The following ADAMTS17 variants were observed in gnomAD, a reference collection of about 807,000 sequenced individuals.
ADAMTS17 encodes A disintegrin and metalloproteinase with thrombospondin motifs 17.
A neutral mutation model predicts 141.5 loss-of-function variants in ADAMTS17; 113 were observed. The observed-to-expected ratio is 0.80, with a 90% confidence interval of 0.69 to 0.93. The LOEUF (loss-of-function observed/expected upper bound fraction) is 0.93. Among genes scored for constraint, ADAMTS17 ranks in the 40% least tolerant of loss-of-function variants. ADAMTS17 has a pLI of 0.00. For synonymous variants in ADAMTS17, 768 were observed against 630.6 expected (o/e 1.22, Z -3.27); for missense variants, 1,659 against 1,517.9 (o/e 1.09, Z -1.54).
chr15:99,981,223 G>A (rs2060476910), intron 20 of ADAMTS17, among the ~76,000 whole-genome samples: 1 of 152,190 alleles, frequency 6.6e-6, no homozygotes, highest in African/African-American at 2.4e-5. Context: ...ATCTTTCCTA[G>A]CATGGGTCAC....
At chr15:100,227,204 G>T (rs1247587382) in intron 7 of ADAMTS17, among the ~76,000 whole-genome samples, 3 of 152,034 alleles carry the variant, frequency 2.0e-5, no homozygotes, top group African/African-American at 7.2e-5. Context: ...ACTTCCACCT[G>T]GATTTCTCAC....
rs114267359 is a variant in ADAMTS17 at position 100,048,033 on chromosome 15, A to G, written c.2591+824T>C. ...CACATTTTAAGAGTTTGACAAAACAAAGGGGGTCGGTGCAAAAGCCAAATA... is the reference window on the plus strand; with the variant it reads ...CACATTTTAAGAGTTTGACAAAACAGAGGGGGTCGGTGCAAAAGCCAAATA... On this transcript the variant is annotated intron_variant, in intron 18 of 21. Coordinates refer to ENST00000268070, the MANE Select transcript of ADAMTS17 (RefSeq NM_139057.4). Among the ~76,000 whole-genome samples the G allele has an allele frequency of 1.3e-3, 200 of 152,278 alleles. 1 individual carries two copies. The highest frequency in any genetic ancestry group is 4.7e-3 in the African/African-American group (194 of 41,542).
chr15:100,328,058 G>C (rs1405601804), intron 3 of ADAMTS17, among the ~76,000 whole-genome samples: 2 of 152,144 alleles, frequency 1.3e-5, no homozygotes, highest in Non-Finnish European at 2.9e-5. Flanking sequence ...GCTACTCTCA[G>C]ACCATGTCCA....
chr15:100,243,542 T>A lies in ADAMTS17; in HGVS notation c.1075+10594A>T, dbSNP rs879352988. ...CCATGGCTCACGCCAGTAATCCTAA[T>A]ACTTTGGGAGGCCAAGGAGGGTGGA... On this transcript the variant is annotated intron_variant, in intron 7 of 21. Transcript: ENST00000268070. 3.5e-4 allele frequency among the ~76,000 whole-genome samples: 53 copies of A among 152,224 alleles called. 1 individual carries two copies. The highest frequency in any genetic ancestry group is 7.8e-4 in the Admixed American group (12 of 15,294).
intron 2 of ADAMTS17, 26 bp from the exon 3 acceptor site, chr15:100,331,080 G>T (rs757719699): frequency 1.2e-6 from 2 of 1,613,880 alleles, no homozygotes; most frequent in Admixed American, 1.7e-5. Flanking sequence ...AAGGAAACGC[G>T]ATGTCGGTCA....
At chr15:100,018,686 T>C (rs2061341514) in intron 18 of ADAMTS17, among the ~76,000 whole-genome samples, 1 of 152,240 alleles carries the variant, frequency 6.6e-6, no homozygotes, top group Non-Finnish European at 1.5e-5. Context: ...TCTTCTCTTT[T>C]ACATTATCCA....
intron 12 of ADAMTS17, 78 bp from the exon 13 acceptor site, chr15:100,117,091 A>G (rs534246588): frequency 6.6e-7 from 1 of 1,510,284 alleles, no homozygotes; most frequent in African/African-American, 1.4e-5. Context: ...CTCTCTTGCC[A>G]GGGGGAGGAG....
intron 10 of ADAMTS17, among the ~76,000 whole-genome samples, chr15:100,150,585 T>C (rs2141342844): frequency 6.6e-6 from 1 of 152,280 alleles, no homozygotes; most frequent in East Asian, 1.9e-4. Context: ...CCTCCCTCTG[T>C]CCCTCCTCAT....
At chr15:100,240,848 CAG>C (rs1297131117) in intron 7 of ADAMTS17, among the ~76,000 whole-genome samples, 1 of 152,112 alleles carries the variant, frequency 6.6e-6, no homozygotes, top group Non-Finnish European at 1.5e-5. Context: ...TTTTTTGAGA[CAG>C]AGTCTCGCTC....
intron 20 of ADAMTS17, among the ~76,000 whole-genome samples, chr15:99,986,400 TC>T (rs1409087173): frequency 6.6e-6 from 1 of 152,110 alleles, no homozygotes; most frequent in Non-Finnish European, 1.5e-5. Flanking sequence ...CTCCCTGACT[TC>T]CTCCTAGGGC....
At chr15:100,111,148 C>A (rs1273970589) in intron 13 of ADAMTS17, among the ~76,000 whole-genome samples, 1 of 152,188 alleles carries the variant, frequency 6.6e-6, no homozygotes, top group African/African-American at 2.4e-5. Flanking sequence ...ATTCACCAAG[C>A]AGGGACTGAC....
At chr15:100,260,186 G>C (rs905676151) in intron 6 of ADAMTS17, among the ~76,000 whole-genome samples, 2 of 152,196 alleles carry the variant, frequency 1.3e-5, no homozygotes, top group African/African-American at 4.8e-5. Flanking sequence ...GCACTGTCCG[G>C]TGTCTGGGGC....
In ADAMTS17 at chr15:99,973,512, G is replaced by A. The variant is rs1461098573; in HGVS notation, c.*890C>T. ...AGCTTTAGGAAGTGCAGGCCAGAGT[G>A]GATGTTCCCGGAAGGCGGGGCAGGT... On this transcript the variant is annotated 3_prime_UTR_variant, in exon 22 of 22. Coordinates refer to ENST00000268070, the MANE Select transcript of ADAMTS17 (RefSeq NM_139057.4). The A allele has an allele frequency of 6.6e-6, 1 of 152,294 alleles. No homozygotes were observed. The highest frequency in any genetic ancestry group is 1.5e-5 in the Non-Finnish European group (1 of 68,108). 9.4% of individuals were successfully genotyped at this position (152,294 alleles called of 1,614,324 possible).
chr15:100,286,572 T>C (rs1012659358), intron 3 of ADAMTS17, among the ~76,000 whole-genome samples: 2 of 152,172 alleles, frequency 1.3e-5, no homozygotes, highest in Admixed American at 6.5e-5. Context: ...AGCTGAGCCT[T>C]AGCCCTCTGA....
At chr15:100,199,544 A>G (rs2041243079) in intron 7 of ADAMTS17, 121 bp from the exon 8 acceptor site, 2 of 842,750 alleles carry the variant, frequency 2.4e-6, no homozygotes, top group Admixed American at 1.7e-5. Context: ...AATGGTGACT[A>G]TGAGCCTCAG....
chr15:100,218,927 C>A (rs1596303920), intron 7 of ADAMTS17, among the ~76,000 whole-genome samples: 1 of 147,338 alleles, frequency 6.8e-6, no homozygotes, highest in South Asian at 2.2e-4. Flanking sequence ...ATGCACACGT[C>A]CATCTACACA....
At chr15:100,144,514 C>A (rs537528537) in intron 10 of ADAMTS17, among the ~76,000 whole-genome samples, 1 of 151,884 alleles carries the variant, frequency 6.6e-6, no homozygotes, top group Non-Finnish European at 1.5e-5. Context: ...TGTGCCACTG[C>A]TCTCCAGCCT....
chr15:100,164,498 TC>T (rs1008604764), intron 8 of ADAMTS17, among the ~76,000 whole-genome samples: 3 of 151,828 alleles, frequency 2.0e-5, no homozygotes, highest in African/African-American at 7.3e-5. Flanking sequence ...GGAATAGGGG[TC>T]AGGGTCACAT....
intron 7 of ADAMTS17, among the ~76,000 whole-genome samples, chr15:100,224,217 G>A (rs1000101896): frequency 6.6e-6 from 1 of 152,136 alleles, no homozygotes; most frequent in Non-Finnish European, 1.5e-5. Flanking sequence ...TAACCATCAT[G>A]GTGGGGATGT....
Sources: gnomAD v4.1 joint callset for allele counts (sites outside exome capture counted in the v4.1 genomes callset) on GRCh38, gnomAD v4.1.1 for gene constraint, MANE v1.5 for transcripts, NCBI Gene and HGNC (gene_info 2026-07-23, HGNC 2026-07-21) for gene names.